Variants in IL13RA2 observed in about 807,000 individuals in gnomAD.
IL13RA2 encodes interleukin 13 receptor subunit alpha 2.
In IL13RA2, 25 loss-of-function variants were observed where a neutral mutation model predicts 34.1. That is an observed-to-expected ratio of 0.73 (90% CI 0.53 to 1.03). The LOEUF is 1.03. Ranked by LOEUF, IL13RA2 falls within the 50% of genes least tolerant of loss-of-function variation. IL13RA2 has a pLI of 0.00. For synonymous variants in IL13RA2, 106 were observed against 100.4 expected (o/e 1.06, Z -0.33); for missense variants, 297 against 280.9 (o/e 1.06, Z -0.41).
chrX:115,005,286 G>A lies in IL13RA2; in HGVS notation c.1027C>T (p.Arg343Cys), dbSNP rs375241228. The A allele has an allele frequency of 5.5e-5, 61 of 1,100,256 alleles. No homozygotes were observed. The African/African-American group carries it at 8.8e-4, about 16-fold the overall frequency. 90.7% of individuals were successfully genotyped at this position (1,100,256 alleles called of 1,213,427 possible). Reference protein sequence around the residue: ...GEDLSKKTLLRFWLPFGFILI... With the variant: ...GEDLSKKTLLCFWLPFGFILI... ...ATGAAACCAAATGGTAGCCAGAAAC[G>A]TAGCAAAGTTTTCTTCGATAGGTCT... The change falls in exon 9 of 10, where the codon CGT becomes TGT. Residue 343 changes from arginine to cysteine, a missense_variant. By Grantham distance (180) the Arg-to-Cys change is radical. Coordinates refer to ENST00000243213, the MANE Select transcript of IL13RA2 (RefSeq NM_000640.3).
intron 2 of IL13RA2, 152 bp from the exon 3 acceptor site, chrX:115,015,973 A>G (rs896970457): frequency 3.3e-4 from 149 of 446,333 alleles, no homozygotes; most frequent in African/African-American, 2.8e-3. Context: ...CCATAAAAAG[A>G]CATGAAGTAC....
chrX:115,005,360 C>A, intron 8 of IL13RA2, 45 bp from the exon 9 acceptor site: 1 of 640,195 alleles, frequency 1.6e-6, no homozygotes, highest in East Asian at 3.2e-5. Context: ...TAGACATTTG[C>A]CACTATTTTT....
Position 115,010,802 on chromosome X carries a change from T to C in IL13RA2, c.548A>G (p.Gln183Arg). 2.7e-6 allele frequency: 3 copies of C among 1,106,706 alleles called. No homozygotes were observed. Among genetic ancestry groups the C allele is most frequent in the Non-Finnish European group, 3.6e-6 (3 of 825,761 alleles). The allele number at this position is 1,106,706 out of a possible 1,213,427, so 91.2% of individuals were successfully genotyped here. Residue 183 changes from glutamine (Q) to arginine (R), a missense_variant, in exon 6 of 10, where the codon CAG (glutamine) becomes CGG (arginine). By Grantham distance (43) the Gln-to-Arg change is conservative. Transcript: ENST00000243213. The part of the protein sequence containing the change: ...YWYEGLDHAL[Q>R]CVDYIKADGQ... ...ATCAGCCTTGATGTAATCAACACAC[T>C]GTAATGCATGATCCAAGCCCTCATA...
chrX:115,006,393 A>G (rs2071685036), intron 8 of IL13RA2, among the ~76,000 whole-genome samples: 1 of 112,299 alleles, frequency 8.9e-6, no homozygotes, highest in African/African-American at 3.2e-5. Flanking sequence ...TTAAGATTCT[A>G]TGAAGAGGGC....
intron 7 of IL13RA2, among the ~76,000 whole-genome samples, chrX:115,008,964 T>G (rs2071695308): frequency 8.9e-6 from 1 of 111,792 alleles, no homozygotes; most frequent in Admixed American, 9.5e-5. Flanking sequence ...GAATTAGAAC[T>G]ACTGACTCAC....
At chrX:115,009,701 A>G (rs782318595) in intron 6 of IL13RA2, 35 bp from the exon 7 acceptor site, 1 of 1,172,706 alleles carries the variant, frequency 8.5e-7, no homozygotes, top group South Asian at 1.8e-5. Flanking sequence ...CAACACGGAG[A>G]TTGTTGAAGT....
chrX:115,012,783 A>C (rs2071711200), intron 5 of IL13RA2, among the ~76,000 whole-genome samples: 1 of 111,400 alleles, frequency 9.0e-6, no homozygotes, highest in Non-Finnish European at 1.9e-5. Flanking sequence ...CAAACAAAAA[A>C]AAAAACAAAG....
chrX:115,010,088 C>A (rs2071700176), intron 6 of IL13RA2, among the ~76,000 whole-genome samples: 1 of 111,568 alleles, frequency 9.0e-6, no homozygotes, highest in African/African-American at 3.3e-5. Flanking sequence ...TCACGCCTCA[C>A]AATAAACCTA....
At chrX:115,010,372 T>C (rs1234203713) in intron 6 of IL13RA2, among the ~76,000 whole-genome samples, 1 of 112,125 alleles carries the variant, frequency 8.9e-6, no homozygotes, top group Non-Finnish European at 1.9e-5. Flanking sequence ...AAACTGAAGA[T>C]GGAAAATAAA....
chrX:115,010,718 T>C lies in IL13RA2; in HGVS notation c.632A>G (p.Tyr211Cys), dbSNP rs781820726. The C allele has an allele frequency of 2.0e-6, 2 of 1,017,762 alleles. No individual in the cohort carries two copies. The highest frequency in any genetic ancestry group is 2.8e-6 in the Non-Finnish European group (2 of 724,314). The allele number at this position is 1,017,762 out of a possible 1,213,427, so 83.9% of individuals were successfully genotyped here. Residue 211 changes from tyrosine to cysteine, a missense_variant, in exon 6 of 10, where the codon TAT becomes TGT. By Grantham distance (194) the Tyr-to-Cys change is radical. Transcript: ENST00000243213. ...CTCTGATGATCCATTAACACAAATA[T>C]AGAAATCTTTATAGTCTGATGCCTC... is the stretch of plus-strand genomic sequence containing the variant. ...YLEASDYKDFYICVNGSSENK... is the reference protein window; with the variant it reads ...YLEASDYKDFCICVNGSSENK...
chrX:115,005,246 A>G lies in IL13RA2; in HGVS notation c.1067T>C (p.Ile356Thr). 2 of 1,147,383 alleles carry G rather than the reference A, an allele frequency of 1.7e-6. No homozygotes were observed. The highest frequency in any genetic ancestry group is 1.2e-6 in the Non-Finnish European group (1 of 836,606). 94.6% of individuals were successfully genotyped at this position (1,147,383 alleles called of 1,213,427 possible). The change falls in exon 9 of 10, where the codon ATA (isoleucine) becomes ACA (threonine). Residue 356 changes from isoleucine to threonine, a missense_variant. Physicochemically the swap from Ile to Thr is moderately conservative, Grantham distance 89. Coordinates refer to ENST00000243213, the MANE Select transcript of IL13RA2 (RefSeq NM_000640.3). ...LPFGFILILV[I>T]FVTGLLLRKP... ...ACGCAAAAGCAGACCGGTTACAAAT[A>G]TAACTAATATTAAGATGAAACCAAA...
intron 6 of IL13RA2, among the ~76,000 whole-genome samples, chrX:115,009,943 A>C (rs1371790864): frequency 8.9e-6 from 1 of 112,238 alleles, no homozygotes; most frequent in Non-Finnish European, 1.9e-5. Flanking sequence ...TCATTACAAC[A>C]ATTTTCCATT....
At chrX:115,015,610 A>C in intron 3 of IL13RA2, 60 bp downstream of exon 3, 1 of 1,028,616 alleles carries the variant, frequency 9.7e-7, no homozygotes, top group Non-Finnish European at 1.4e-6. Context: ...CACTAAAGTC[A>C]GGAATCACAA....
At position 115,010,392 on chromosome X, in the gene IL13RA2, T is replaced by G. The variant is rs1287179843; in HGVS notation, c.706+252A>C. On this transcript the variant is annotated intron_variant, in intron 6 of 9. Coordinates refer to ENST00000243213, the MANE Select transcript of IL13RA2 (RefSeq NM_000640.3). ...GAAGATGGAAAATAAAATTGTGAGT[T>G]CTAAATGAAAATGATACTTTAACCT... Among the ~76,000 whole-genome samples, 4 of 112,066 alleles carry G rather than the reference T, an allele frequency of 3.6e-5. No individual in the cohort carries two copies. The East Asian group carries it at 8.3e-4, about 23-fold the overall frequency.
chrX:115,010,717 A>G lies in IL13RA2; in HGVS notation c.633T>C (p.Tyr211=). 9.7e-7 allele frequency: 1 copy of G among 1,026,594 alleles called. No homozygotes were observed. The highest frequency in any genetic ancestry group is 1.4e-6 in the Non-Finnish European group (1 of 732,082). The allele number at this position is 1,026,594 out of a possible 1,213,427, so 84.6% of individuals were successfully genotyped here. A position where few individuals can be genotyped will look rare whatever the true frequency, so the allele number is the denominator to read the frequency against. Residue 211 remains tyrosine, a synonymous_variant, in exon 6 of 10, where the codon TAT becomes TAC. Coordinates refer to ENST00000243213, the MANE Select transcript of IL13RA2 (RefSeq NM_000640.3). ...TCTCTGATGATCCATTAACACAAAT[A>G]TAGAAATCTTTATAGTCTGATGCCT... ...YLEASDYKDF[Y]ICVNGSSENK...
rs1316273139 is a variant in IL13RA2 at position 115,005,244 on chromosome X, A to G, written c.1069T>C (p.Phe357Leu). Reference protein sequence around the residue: ...PFGFILILVIFVTGLLLRKPN... With the variant: ...PFGFILILVILVTGLLLRKPN... The stretch of plus-strand genomic sequence containing the variant: ...TTACGCAAAAGCAGACCGGTTACAA[A>G]TATAACTAATATTAAGATGAAACCA... Residue 357 changes from phenylalanine (F) to leucine (L), a missense_variant, in exon 9 of 10, where the codon TTT becomes CTT. Physicochemically the swap from Phe to Leu is conservative, Grantham distance 22. Transcript: ENST00000243213. The G allele has an allele frequency of 4.4e-6, 5 of 1,142,526 alleles. No individual in the cohort carries two copies. Among genetic ancestry groups the G allele is most frequent in the Non-Finnish European group, 6.0e-6 (5 of 833,062 alleles). 94.2% of individuals were successfully genotyped at this position (1,142,526 alleles called of 1,213,427 possible). A position where few individuals can be genotyped will look rare whatever the true frequency, so the allele number is the denominator to read the frequency against.
intron 8 of IL13RA2, among the ~76,000 whole-genome samples, chrX:115,007,665 TCTC>T (rs1556507937): frequency 4.2e-4 from 47 of 111,815 alleles, no homozygotes; most frequent in African/African-American, 1.5e-3. Context: ...TTCCTGCCAA[TCTC>T]TCAAAAGAAT....
At position 115,014,417 on chromosome X, in the gene IL13RA2, T is replaced by C. The variant is rs374386505; in HGVS notation, c.400+4A>G. 43 of 1,166,364 alleles carry C rather than the reference T, an allele frequency of 3.7e-5. No individual in the cohort carries two copies. In the African/African-American group the frequency reaches 6.2e-4, roughly 17 times the overall value. On this transcript the variant is annotated splice_donor_region_variant and intron_variant, in intron 4 of 9. Transcript: ENST00000243213. ...TAAATATGAAAAGAGAGCTTTGTTT[T>C]AACCTTGTGGTGATATCCAATAAGT...
rs183499477 is a variant in IL13RA2, at chrX:115,009,962, T to C, written c.707-296A>G. ...TACAACAATTTTCCATTTTGTAGCA[T>C]TAGAAATAACAACCACAATCAACAA... On this transcript the variant is annotated intron_variant, in intron 6 of 9. Coordinates refer to ENST00000243213, the MANE Select transcript of IL13RA2 (RefSeq NM_000640.3). Among the ~76,000 whole-genome samples, 8 of 112,183 alleles carry C rather than the reference T, an allele frequency of 7.1e-5. No homozygotes were observed. In the East Asian group the frequency reaches 2.2e-3, roughly 31 times the overall value.
Sources: allele counts gnomAD v4.1 joint callset (sites outside exome capture counted in the v4.1 genomes callset), GRCh38; gene constraint gnomAD v4.1.1; transcripts MANE v1.5; gene names NCBI Gene and HGNC (gene_info 2026-07-23, HGNC 2026-07-21).